The following FSIP1 variants were observed in gnomAD, a reference collection of about 807,000 sequenced individuals.
FSIP1 encodes the protein fibrous sheath-interacting protein 1.
In FSIP1, 65 loss-of-function variants were observed where a neutral mutation model predicts 60.9. The ratio of observed to expected loss-of-function variants is 1.07; its 90% CI spans 0.87 to 1.31. The LOEUF is 1.31. FSIP1 is among the 40% of genes most tolerant of loss of function. FSIP1 has a pLI of 0.00. For missense variants in FSIP1, 675 were observed against 665.5 expected (o/e 1.01, Z -0.16); for synonymous variants, 209 against 221.2 (o/e 0.94, Z 0.49).
intron 5 of FSIP1, among the ~76,000 whole-genome samples, chr15:39,748,750 T>G (rs1230583814): frequency 6.6e-6 from 1 of 152,138 alleles, no homozygotes; most frequent in Non-Finnish European, 1.5e-5. Flanking sequence ...GACATTATGC[T>G]TCAAGGAACT....
chr15:39,757,399 T>C (rs1477095832), intron 5 of FSIP1, among the ~76,000 whole-genome samples: 1 of 152,088 alleles, frequency 6.6e-6, no homozygotes, highest in African/African-American at 2.4e-5. Context: ...AACTGGACTG[T>C]TGTGTTTCTA....
At chr15:39,728,866 G>T (rs1456574802) in intron 8 of FSIP1, among the ~76,000 whole-genome samples, 1 of 152,114 alleles carries the variant, frequency 6.6e-6, no homozygotes, top group African/African-American at 2.4e-5. Context: ...TTCAACAAAG[G>T]TCTAATATCC....
Position 39,617,741 on chromosome 15 carries a change from T to G in FSIP1, c.1693A>C (p.Ile565Leu). ...HLKLSSPENT[I>L]ADEQETKDAA... ...CATGTTCGCCAAGCCTCACCTGCTA[T>G]TGTATTCTCTGGAGAACTGAGTTTC... The change falls in exon 11 of 12, where the codon ATA (isoleucine) becomes CTA (leucine). Residue 565 changes from isoleucine to leucine, a missense_variant. Coordinates refer to ENST00000350221, the MANE Select transcript of FSIP1 (RefSeq NM_152597.5). 3 of 1,611,728 alleles carry G rather than the reference T, an allele frequency of 1.9e-6. No homozygotes were observed. Among genetic ancestry groups the G allele is most frequent in the Non-Finnish European group, 2.5e-6 (3 of 1,178,724 alleles).
chr15:39,769,421 A>G (rs561133079), intron 3 of FSIP1, among the ~76,000 whole-genome samples: 1 of 152,352 alleles, frequency 6.6e-6, no homozygotes, highest in East Asian at 1.9e-4. Flanking sequence ...TTATCCTCGA[A>G]GTAACATGTT....
At chr15:39,634,085 C>T (rs763526235) in intron 10 of FSIP1, among the ~76,000 whole-genome samples, 2 of 152,182 alleles carry the variant, frequency 1.3e-5, no homozygotes, top group African/African-American at 2.4e-5. Flanking sequence ...TCTACCTGCA[C>T]ACAAGAGACC....
intron 11 of FSIP1, among the ~76,000 whole-genome samples, chr15:39,602,735 C>A (rs1203960964): frequency 6.6e-6 from 1 of 152,040 alleles, no homozygotes; most frequent in Non-Finnish European, 1.5e-5. Flanking sequence ...TTCTTTTTGC[C>A]CACCCAGCAA....
At chr15:39,607,279 C>A (rs1456150371) in intron 11 of FSIP1, among the ~76,000 whole-genome samples, 1 of 152,196 alleles carries the variant, frequency 6.6e-6, no homozygotes, top group African/African-American at 2.4e-5. Flanking sequence ...CCATCTCTGC[C>A]AGTGACTGGG....
At chr15:39,767,217 A>C (rs1008887106) in intron 3 of FSIP1, among the ~76,000 whole-genome samples, 1 of 152,222 alleles carries the variant, frequency 6.6e-6, no homozygotes, top group Non-Finnish European at 1.5e-5. Context: ...ATTATTAATA[A>C]GGAGGTTCCT....
chr15:39,647,982 C>T (rs1188190414), intron 10 of FSIP1, among the ~76,000 whole-genome samples: 1 of 143,370 alleles, frequency 7.0e-6, no homozygotes, highest in African/African-American at 2.6e-5. Flanking sequence ...ATAACATGGA[C>T]ACATGAAGGG....
chr15:39,676,960 G>A (rs1893968464), intron 10 of FSIP1, among the ~76,000 whole-genome samples: 1 of 152,152 alleles, frequency 6.6e-6, no homozygotes, highest in Non-Finnish European at 1.5e-5. Flanking sequence ...AACAATATGA[G>A]TTGAGTTCTT....
intron 10 of FSIP1, among the ~76,000 whole-genome samples, chr15:39,688,057 C>T (rs548725290): frequency 6.6e-6 from 1 of 152,304 alleles, no homozygotes; most frequent in South Asian, 2.1e-4. Context: ...TGGTAGGAAG[C>T]TACCAACTCT....
At chr15:39,685,940 T>C (rs1894354921) in intron 10 of FSIP1, among the ~76,000 whole-genome samples, 2 of 152,182 alleles carry the variant, frequency 1.3e-5, no homozygotes, top group Non-Finnish European at 1.5e-5. Flanking sequence ...GATTACACTA[T>C]AATTTTAACA....
chr15:39,757,332 GCT>G (rs1404343418), intron 5 of FSIP1, among the ~76,000 whole-genome samples: 1 of 152,004 alleles, frequency 6.6e-6, no homozygotes, highest in African/African-American at 2.4e-5. Context: ...TTATGATAGT[GCT>G]TATGTTGAAA....
At chr15:39,767,525 G>T (rs1479697256) in intron 3 of FSIP1, among the ~76,000 whole-genome samples, 1 of 152,210 alleles carries the variant, frequency 6.6e-6, no homozygotes, top group Non-Finnish European at 1.5e-5. Flanking sequence ...AGTGAGAACA[G>T]GCACTCCTAT....
chr15:39,662,453 C>T (rs572556351), intron 10 of FSIP1, among the ~76,000 whole-genome samples: 1 of 152,126 alleles, frequency 6.6e-6, no homozygotes, highest in South Asian at 2.1e-4. Flanking sequence ...AAAGATTTAG[C>T]AGGTAAGATG....
chr15:39,727,877 C>T (rs148887212), intron 8 of FSIP1, among the ~76,000 whole-genome samples: 2 of 152,194 alleles, frequency 1.3e-5, no homozygotes, highest in Admixed American at 6.5e-5. Context: ...TGATTCTATA[C>T]CTAAAAACCC....
At chr15:39,766,832 ACTT>A (rs141611716) in intron 3 of FSIP1, among the ~76,000 whole-genome samples, 1,733 of 152,074 alleles carry the variant, frequency 0.011, 15 homozygotes, top group African/African-American at 0.034. Context: ...AATGTGCATC[ACTT>A]CTTCTTCTTC....
At chr15:39,766,606 A>G (rs1163531923) in intron 3 of FSIP1, among the ~76,000 whole-genome samples, 1 of 152,176 alleles carries the variant, frequency 6.6e-6, no homozygotes, top group East Asian at 1.9e-4. Flanking sequence ...AATCTGTCTG[A>G]CTGCAGAGCC....
At chr15:39,756,557 G>A (rs989770371) in intron 5 of FSIP1, among the ~76,000 whole-genome samples, 5 of 151,892 alleles carry the variant, frequency 3.3e-5, no homozygotes, top group African/African-American at 9.7e-5. Context: ...GGTTGGTCTC[G>A]AACTCCTGGC....
Sources: allele counts gnomAD v4.1 joint callset (sites outside exome capture counted in the v4.1 genomes callset), GRCh38; gene constraint gnomAD v4.1.1; transcripts MANE v1.5; gene names NCBI Gene and HGNC (gene_info 2026-07-23, HGNC 2026-07-21).